The following P2RX7 variants were observed in gnomAD, a reference collection of about 807,000 sequenced individuals.
P2RX7 encodes purinergic receptor P2X 7, also known as P2X purinoceptor 7.
Under a neutral mutation model 71.6 loss-of-function variants are expected in P2RX7, and 62 were observed. That is an observed-to-expected ratio of 0.87 (90% CI 0.71 to 1.07). P2RX7 has a LOEUF of 1.07. P2RX7 is among the 50% of genes least tolerant of loss of function. The pLI, the probability that P2RX7 is intolerant of heterozygous loss-of-function variation, is 0.00. For missense variants in P2RX7, 686 were observed against 748.5 expected (o/e 0.92, Z 0.97); for synonymous variants, 299 against 283.3 (o/e 1.06, Z -0.56).
chr12:121,178,277 C>A (rs1206127403), intron 11 of P2RX7, among the ~76,000 whole-genome samples: 3 of 152,044 alleles, frequency 2.0e-5, no homozygotes, highest in Non-Finnish European at 4.4e-5. Flanking sequence ...AGCATCTAAC[C>A]AAATATCCAA....
chr12:121,161,163 A>G (rs934837137), intron 4 of P2RX7, among the ~76,000 whole-genome samples, 189 bp downstream of exon 4: 1 of 151,826 alleles, frequency 6.6e-6, no homozygotes, highest in Non-Finnish European at 1.5e-5. Flanking sequence ...TGTAAACATG[A>G]CTCCAGTTTT....
chr12:121,180,567 A>G, intron 12 of P2RX7, 112 bp downstream of exon 12: 2 of 563,004 alleles, frequency 3.6e-6, no homozygotes, highest in Non-Finnish European at 6.2e-6. Context: ...CAAAGTAAAC[A>G]TACTCATATA....
intron 8 of P2RX7, among the ~76,000 whole-genome samples, chr12:121,174,588 T>C (rs551374332): frequency 6.6e-6 from 1 of 152,234 alleles, no homozygotes; most frequent in African/African-American, 2.4e-5. Context: ...GATTGCCAAA[T>C]AGGCATACAC....
At chr12:121,156,266 C>A in intron 3 of P2RX7, 119 bp downstream of exon 3, 1 of 770,438 alleles carries the variant, frequency 1.3e-6, no homozygotes, top group Admixed American at 2.2e-5. Context: ...ATCTACTGAG[C>A]ACCTGCCTCT....
chr12:121,138,429 A>G (rs1035719975), intron 1 of P2RX7, among the ~76,000 whole-genome samples: 3 of 152,230 alleles, frequency 2.0e-5, no homozygotes, highest in African/African-American at 7.2e-5. Flanking sequence ...TTACAGATCC[A>G]TCCCTGAACC....
chr12:121,156,265 G>T, intron 3 of P2RX7, 118 bp downstream of exon 3: 1 of 774,220 alleles, frequency 1.3e-6, no homozygotes, highest in Non-Finnish European at 2.2e-6. Flanking sequence ...TATCTACTGA[G>T]CACCTGCCTC....
rs1426496193 is a variant in P2RX7 at position 121,154,674 on chromosome 12, G to A, written c.126-111G>A. The A allele has an allele frequency of 1.3e-6, 1 of 765,780 alleles. No homozygotes were observed. Among genetic ancestry groups the A allele is most frequent in the Non-Finnish European group, 2.4e-6 (1 of 421,592 alleles). 47.4% of individuals were successfully genotyped at this position (765,780 alleles called of 1,614,324 possible). On this transcript the variant is annotated intron_variant, in intron 1 of 12. Transcript: ENST00000328963. This position sits in a 1 kb window ranked among gnomAD's most constrained non-coding sequence, Gnocchi z 4.2. ...GGGAAAACAAGTCACACGGAAGCAA[G>A]TCACGCAGCAGAGCTAGGATTGGAA... is the stretch of plus-strand genomic sequence containing the variant.
intron 1 of P2RX7, among the ~76,000 whole-genome samples, chr12:121,152,875 A>G (rs1877743268): frequency 6.6e-6 from 1 of 152,238 alleles, no homozygotes; most frequent in Non-Finnish European, 1.5e-5. Context: ...GTTTGAGTAC[A>G]TGTAGGTTAT....
chr12:121,182,030 C>CTCTA (rs1593159618), intron 12 of P2RX7, among the ~76,000 whole-genome samples: 1 of 148,686 alleles, frequency 6.7e-6, no homozygotes, highest in East Asian at 2.0e-4. Flanking sequence ...CACCTCTGCA[C>CTCTA]TCTAGCCTGG....
intron 1 of P2RX7, among the ~76,000 whole-genome samples, chr12:121,140,797 A>G (rs984636591): frequency 6.6e-6 from 1 of 152,158 alleles, no homozygotes; most frequent in African/African-American, 2.4e-5. Context: ...AAAAAATAAT[A>G]AATAAAGGGC....
intron 1 of P2RX7, among the ~76,000 whole-genome samples, chr12:121,143,132 G>A (rs1875348675): frequency 6.8e-6 from 1 of 148,138 alleles, no homozygotes; most frequent in African/African-American, 2.5e-5. Context: ...TGTAATCCCA[G>A]CATTTGGGAG....
At chr12:121,140,529 G>A (rs1169715) in intron 1 of P2RX7, among the ~76,000 whole-genome samples, 2,274 of 152,254 alleles carry the variant, frequency 0.015, 21 homozygotes, top group Non-Finnish European at 0.024. Context: ...TGGCGGAGCT[G>A]GAGAGAGGTG....
chr12:121,187,624 TC>T lies in P2RX7; in HGVS notation c.*2823del, dbSNP rs1335740501. ...CACTGGATCCATCTACTGTTTTCCATCACCTTCCCCACTGATGCTCTGGGCG... is the reference window on the plus strand; with the variant it reads ...CACTGGATCCATCTACTGTTTTCCATACCTTCCCCACTGATGCTCTGGGCG... On this transcript the variant is annotated 3_prime_UTR_variant, in exon 13 of 13. Coordinates refer to ENST00000328963, the MANE Select transcript of P2RX7 (RefSeq NM_002562.6). 6 of 152,034 alleles carry T rather than the reference TC, an allele frequency of 3.9e-5. No homozygotes were observed. The highest frequency in any genetic ancestry group is 1.4e-4 in the African/African-American group (6 of 41,448). 9.4% of individuals were successfully genotyped at this position (152,034 alleles called of 1,614,324 possible).
rs144805758 is a variant in P2RX7, at chr12:121,149,136, T to C, written c.126-5649T>C. 422 of 512,602 alleles carry C rather than the reference T, an allele frequency of 8.2e-4. 2 individuals carry two copies. The highest frequency in any genetic ancestry group is 7.8e-3 in the African/African-American group (400 of 51,066). The allele number at this position is 512,602 out of a possible 1,614,324, so 31.8% of individuals were successfully genotyped here. On this transcript the variant is annotated intron_variant, in intron 1 of 12. Coordinates refer to ENST00000328963, the MANE Select transcript of P2RX7 (RefSeq NM_002562.6). The surrounding 1 kb of genome is among the most constrained non-coding windows in gnomAD (Gnocchi z 4.7). The stretch of plus-strand genomic sequence containing the variant: ...AGTGTAAGTCTGTGACAGTCACTCA[T>C]ATTCAGAGCATGTGGATTGAGACTC...
intron 1 of P2RX7, among the ~76,000 whole-genome samples, chr12:121,151,833 G>T: frequency 6.6e-6 from 1 of 151,956 alleles, no homozygotes; most frequent in Non-Finnish European, 1.5e-5. Flanking sequence ...TGTCTCTGTG[G>T]ATTCACCTAT....
At chr12:121,136,647 C>CTTTTTTTTTTTTTT (rs66894143) in intron 1 of P2RX7, among the ~76,000 whole-genome samples, 1 of 119,254 alleles carries the variant, frequency 8.4e-6, no homozygotes, top group Non-Finnish European at 1.7e-5. Flanking sequence ...TTCTTTCTTT[C>CTTTTTTTTTTTTTT]TTTTTTTTTT....
intron 3 of P2RX7, 120 bp downstream of exon 3, chr12:121,156,267 A>G (rs1042494050): frequency 2.6e-6 from 2 of 760,672 alleles, no homozygotes; most frequent in African/African-American, 3.5e-5. Context: ...TCTACTGAGC[A>G]CCTGCCTCTT....
Position 121,184,299 on chromosome 12 carries a change from T to C in P2RX7, c.1291-6T>C. On this transcript the variant is annotated splice_polypyrimidine_tract_variant and splice_region_variant and intron_variant, in intron 12 of 12. Transcript: ENST00000328963. ...GGCTAATAGGTTTGGAAACTTGCTT[T>C]TTCAGAGACCTGCGATGGACTTCAC... 1.3e-6 allele frequency: 2 copies of C among 1,579,834 alleles called. No homozygotes were observed. The highest frequency in any genetic ancestry group is 1.7e-6 in the Non-Finnish European group (2 of 1,162,578).
intron 1 of P2RX7, among the ~76,000 whole-genome samples, chr12:121,148,285 G>T (rs1876669107): frequency 6.6e-6 from 1 of 151,406 alleles, no homozygotes; most frequent in Non-Finnish European, 1.5e-5. Flanking sequence ...CATGATCTTG[G>T]CTCACTGCAA....
Sources: gnomAD v4.1 joint callset for allele counts (sites outside exome capture counted in the v4.1 genomes callset) on GRCh38, gnomAD v4.1.1 for gene constraint, Gnocchi (gnomAD v3.1) non-coding constraint, MANE v1.5 for transcripts, NCBI Gene and HGNC (gene_info 2026-07-23, HGNC 2026-07-21) for gene names.